ITGB3BP: variants seen among roughly 807,000 people sequenced by gnomAD.
ITGB3BP encodes centromere protein R.
ITGB3BP carries 27 observed loss-of-function variants against 29.1 expected under a neutral mutation model. That is an observed-to-expected ratio of 0.93 (90% CI 0.68 to 1.28). The LOEUF is 1.28. ITGB3BP is among the 50% of genes most tolerant of loss of function. ITGB3BP has a pLI of 0.00. For missense variants in ITGB3BP, 192 were observed against 200.2 expected, an observed-to-expected ratio of 0.96 and a Z score of 0.25; for synonymous variants, 61 against 61.4, an observed-to-expected ratio of 0.99 and a Z score of 0.03.
At chr1:63,450,373 T>C (rs1442345011) in intron 7 of ITGB3BP, among the ~76,000 whole-genome samples, 2 of 151,980 alleles carry the variant, frequency 1.3e-5, no homozygotes, top group Non-Finnish European at 2.9e-5. Flanking sequence ...TTACATTCTT[T>C]TCAAAAACAT....
intron 3 of ITGB3BP, among the ~76,000 whole-genome samples, chr1:63,487,638 G>T (rs1645556662): frequency 6.6e-6 from 1 of 152,008 alleles, no homozygotes; most frequent in Admixed American, 6.6e-5. Flanking sequence ...GTAACATATT[G>T]TAAGTATTTG....
chr1:63,518,026 C>T (rs868309126), intron 1 of ITGB3BP, among the ~76,000 whole-genome samples: 1 of 152,150 alleles, frequency 6.6e-6, no homozygotes, highest in Non-Finnish European at 1.5e-5. Flanking sequence ...CCTGGCCCCA[C>T]TTTTTCCTTT....
chr1:63,517,926 T>G (rs1646369728), intron 1 of ITGB3BP, among the ~76,000 whole-genome samples: 1 of 152,142 alleles, frequency 6.6e-6, no homozygotes, highest in Admixed American at 6.5e-5. Context: ...TTTTGCCATA[T>G]TGCCCAGGCT....
At chr1:63,505,844 T>C (rs1002046572) in intron 2 of ITGB3BP, among the ~76,000 whole-genome samples, 2 of 152,246 alleles carry the variant, frequency 1.3e-5, no homozygotes, top group Non-Finnish European at 2.9e-5. Context: ...TTCTTAATCC[T>C]GAGTTCTAGT....
At chr1:63,447,429 CTT>C in intron 7 of ITGB3BP, 1 of 384,952 alleles carries the variant, frequency 2.6e-6, no homozygotes, top group South Asian at 2.0e-5. Context: ...ATAGATAAGA[CTT>C]TTTGTTTGTC....
chr1:63,514,213 T>G (rs1646261297), intron 1 of ITGB3BP, among the ~76,000 whole-genome samples: 1 of 152,228 alleles, frequency 6.6e-6, no homozygotes, highest in Non-Finnish European at 1.5e-5. Context: ...AGTAGATCAT[T>G]TATTTTTAAT....
At chr1:63,498,346 T>C (rs773211147) in intron 2 of ITGB3BP, among the ~76,000 whole-genome samples, 11 of 152,036 alleles carry the variant, frequency 7.2e-5, no homozygotes, top group Non-Finnish European at 1.2e-4. Flanking sequence ...AGGAAAATAA[T>C]ACAATGTTCT....
intron 4 of ITGB3BP, among the ~76,000 whole-genome samples, chr1:63,463,260 A>AAAG: frequency 6.6e-6 from 1 of 151,298 alleles, no homozygotes; most frequent in South Asian, 2.1e-4. Flanking sequence ...AAAAAAAAAA[A>AAAG]AAAAAAAAAA....
Position 63,456,099 on chromosome 1 carries a change from TGA to T in ITGB3BP, c.255-1133_255-1132del, listed in dbSNP as rs148754185. On this transcript the variant is annotated intron_variant, in intron 4 of 8. Coordinates refer to ENST00000271002, the MANE Select transcript of ITGB3BP (RefSeq NM_014288.5). ...ACAGCATAAATCCATATAGATTTTATGAGAGAAACCAGAAATTCTATTTAAAT... is the reference window on the plus strand; with the variant it reads ...ACAGCATAAATCCATATAGATTTTATGAGAAACCAGAAATTCTATTTAAAT... Among the ~76,000 whole-genome samples the T allele has an allele frequency of 1.3e-3, 203 of 152,270 alleles. 4 individuals carry two copies. The East Asian group carries it at 0.016, about 12-fold the overall frequency.
intron 1 of ITGB3BP, among the ~76,000 whole-genome samples, chr1:63,516,527 C>T (rs12035035): frequency 0.73 from 111,125 of 151,482 alleles, 42,823 homozygotes; most frequent in Non-Finnish European, 0.85. Flanking sequence ...ATGGGCAACA[C>T]AATGAGACTC....
At chr1:63,508,883 TTAG>T (rs1348618411) in intron 1 of ITGB3BP, among the ~76,000 whole-genome samples, 1 of 150,530 alleles carries the variant, frequency 6.6e-6, no homozygotes, top group African/African-American at 2.5e-5. Flanking sequence ...CTTATAAAAG[TTAG>T]TATGTTTGTC....
intron 4 of ITGB3BP, among the ~76,000 whole-genome samples, chr1:63,464,281 G>A (rs554294219): frequency 4.6e-5 from 7 of 152,272 alleles, no homozygotes; most frequent in African/African-American, 1.7e-4. Context: ...TATATCTTTA[G>A]AGACAAAAAA....
chr1:63,517,048 C>T (rs1646347933), intron 1 of ITGB3BP, among the ~76,000 whole-genome samples: 2 of 151,178 alleles, frequency 1.3e-5, no homozygotes, highest in South Asian at 4.2e-4. Flanking sequence ...AAAGAAAGTA[C>T]AAAGAAGGAA....
chr1:63,518,834 T>A (rs770023508), intron 1 of ITGB3BP, among the ~76,000 whole-genome samples: 1 of 152,162 alleles, frequency 6.6e-6, no homozygotes, highest in African/African-American at 2.4e-5. Context: ...TTTAAATATA[T>A]CATTTCAATT....
intron 2 of ITGB3BP, among the ~76,000 whole-genome samples, chr1:63,492,028 T>A (rs545380295): frequency 2.0e-5 from 3 of 152,202 alleles, no homozygotes; most frequent in Non-Finnish European, 4.4e-5. Flanking sequence ...TGAAAGTCAC[T>A]ACCCTAATGT....
At chr1:63,507,374 CA>C (rs1646103786) in intron 2 of ITGB3BP, among the ~76,000 whole-genome samples, 1 of 152,096 alleles carries the variant, frequency 6.6e-6, no homozygotes, top group Non-Finnish European at 1.5e-5. Context: ...AGAAAAAATA[CA>C]AAGAAGGCCT....
chr1:63,458,585 G>C (rs1414593137), intron 4 of ITGB3BP, among the ~76,000 whole-genome samples: 1 of 152,078 alleles, frequency 6.6e-6, no homozygotes. Flanking sequence ...TGTAGGCATT[G>C]TGGATATAGT....
chr1:63,511,213 A>G (rs1214159685), intron 1 of ITGB3BP, among the ~76,000 whole-genome samples: 1 of 152,172 alleles, frequency 6.6e-6, no homozygotes, highest in East Asian at 1.9e-4. Context: ...GCAAATCAGA[A>G]CCACAATGAA....
intron 4 of ITGB3BP, among the ~76,000 whole-genome samples, chr1:63,474,740 G>A (rs1178691273): frequency 6.6e-6 from 1 of 151,412 alleles, no homozygotes; most frequent in African/African-American, 2.4e-5. Context: ...TAAGTACCCA[G>A]GGACACAAAC....
Sources: allele counts gnomAD v4.1 joint callset (sites outside exome capture counted in the v4.1 genomes callset), GRCh38; gene constraint gnomAD v4.1.1; transcripts MANE v1.5; gene names NCBI Gene and HGNC (gene_info 2026-07-23, HGNC 2026-07-21).